Variants in CFTR observed in about 807,000 individuals in gnomAD.
CFTR encodes the protein CF transmembrane conductance regulator.
A neutral mutation model predicts 171.6 loss-of-function variants in CFTR; 181 were observed. That is an observed-to-expected ratio of 1.05 (90% CI 0.93 to 1.19). The LOEUF is 1.19. Among genes scored for constraint, CFTR ranks in the 50% most tolerant of loss-of-function variants. The pLI is 0.00. For missense variants in CFTR, 1,968 were observed against 1,734.7 expected (o/e 1.13, Z -2.39); for synonymous variants, 583 against 608.0 (o/e 0.96, Z 0.60).
intron 23 of CFTR, among the ~76,000 whole-genome samples, chr7:117,650,326 G>T (rs1793071808): frequency 6.6e-6 from 1 of 152,130 alleles, no homozygotes. Flanking sequence ...GATAAGTCAT[G>T]AATGACTCCC....
intron 1 of CFTR, among the ~76,000 whole-genome samples, chr7:117,492,164 A>C (rs762065414): frequency 2.0e-5 from 3 of 152,038 alleles, no homozygotes; most frequent in African/African-American, 4.8e-5. Context: ...ATATTTTGAT[A>C]ATGGAGAAGG....
intron 10 of CFTR, among the ~76,000 whole-genome samples, chr7:117,558,256 A>G (rs534798905): frequency 1.3e-5 from 2 of 152,248 alleles, no homozygotes; most frequent in East Asian, 3.9e-4. Flanking sequence ...TATACTTAAT[A>G]CTAATAACTT....
intron 10 of CFTR, among the ~76,000 whole-genome samples, chr7:117,554,028 G>A (rs138454021): frequency 1.6e-3 from 239 of 152,238 alleles, no homozygotes; most frequent in South Asian, 0.012. Context: ...AGTAATCGGC[G>A]GTGGAGGTAG....
At chr7:117,529,511 TATA>T (rs869089523) in intron 3 of CFTR, among the ~76,000 whole-genome samples, 7 of 88,768 alleles carry the variant, frequency 7.9e-5, no homozygotes, top group African/African-American at 6.1e-4. Context: ...AAACTTAGAG[TATA>T]AAAAAAAAAA....
intron 23 of CFTR, among the ~76,000 whole-genome samples, chr7:117,651,394 A>C (rs934799895): frequency 6.6e-6 from 1 of 152,188 alleles, no homozygotes. Flanking sequence ...GAACTGACTC[A>C]AGTTCTCAGC....
intron 1 of CFTR, among the ~76,000 whole-genome samples, chr7:117,481,379 T>C (rs979938253): frequency 6.6e-6 from 1 of 152,250 alleles, no homozygotes; most frequent in Non-Finnish European, 1.5e-5. Flanking sequence ...AGACTTTTTT[T>C]AGCAGAGAAC....
intron 3 of CFTR, among the ~76,000 whole-genome samples, chr7:117,513,175 A>G (rs1398400208): frequency 6.6e-6 from 1 of 152,188 alleles, no homozygotes; most frequent in Non-Finnish European, 1.5e-5. Flanking sequence ...GGGAGCCTTC[A>G]GGATGAAGAC....
Position 117,598,948 on chromosome 7 carries a change from C to A in CFTR, c.2620-3878C>A, listed in dbSNP as rs563325492. Among the ~76,000 whole-genome samples the A allele has an allele frequency of 3.9e-5, 6 of 152,204 alleles. No individual in the cohort carries two copies. In the South Asian group the frequency reaches 1.0e-3, roughly 26 times the overall value. The stretch of plus-strand genomic sequence containing the variant: ...AATGAGCAAGGTTTGTTGCTGTTAT[C>A]ATTAATATCCTTAATTCTCATTATT... On this transcript the variant is annotated intron_variant, in intron 15 of 26. Coordinates refer to ENST00000003084, the MANE Select transcript of CFTR (RefSeq NM_000492.4).
intron 15 of CFTR, among the ~76,000 whole-genome samples, chr7:117,598,455 C>T (rs1792172997): frequency 1.3e-5 from 2 of 152,178 alleles, no homozygotes; most frequent in African/African-American, 4.8e-5. Context: ...TGTTGCTAAC[C>T]TCAATTAAGA....
At chr7:117,538,217 T>C (rs981387753) in intron 7 of CFTR, among the ~76,000 whole-genome samples, 10 of 152,130 alleles carry the variant, frequency 6.6e-5, no homozygotes, top group African/African-American at 1.9e-4. Context: ...CTGGAAGAGA[T>C]TGGCAGAATT....
At chr7:117,544,805 A>G (rs1799112577) in intron 9 of CFTR, among the ~76,000 whole-genome samples, 2 of 152,158 alleles carry the variant, frequency 1.3e-5, no homozygotes, top group African/African-American at 4.8e-5. Flanking sequence ...CTTTTTGTGG[A>G]CTTCTCCCCA....
chr7:117,554,832 A>G (rs1396249153), intron 10 of CFTR, among the ~76,000 whole-genome samples: 2 of 152,212 alleles, frequency 1.3e-5, no homozygotes, highest in African/African-American at 2.4e-5. Context: ...GTCTTCTGAA[A>G]TACGGAGATA....
At chr7:117,548,918 A>G in intron 10 of CFTR, 95 bp downstream of exon 10, 1 of 1,514,148 alleles carries the variant, frequency 6.6e-7, no homozygotes, top group Non-Finnish European at 8.9e-7. Context: ...TTTTGGAGAA[A>G]TTCTTACATG....
rs986046778 is a variant in CFTR at position 117,667,236 on chromosome 7, T to C, written c.*128T>C. 1 of 887,746 alleles carries C rather than the reference T, an allele frequency of 1.1e-6. No individual in the cohort carries two copies. Among genetic ancestry groups the C allele is most frequent in the Non-Finnish European group, 1.8e-6 (1 of 546,586 alleles). The allele number at this position is 887,746 out of a possible 1,614,324, so 55.0% of individuals were successfully genotyped here. ...CAGAAAACAAGGATGAATTAAGTTT[T>C]TTTTTAAAAAAGAAACATTTGGTAA... On this transcript the variant is annotated 3_prime_UTR_variant, in exon 27 of 27. Transcript: ENST00000003084.
chr7:117,595,682 A>G (rs1792109129), intron 15 of CFTR, among the ~76,000 whole-genome samples: 2 of 152,004 alleles, frequency 1.3e-5, no homozygotes, highest in African/African-American at 4.8e-5. Flanking sequence ...CCAGGGGTCA[A>G]GACCAGCCTG....
intron 4 of CFTR, among the ~76,000 whole-genome samples, chr7:117,534,031 A>C (rs1157761542): frequency 1.3e-5 from 2 of 152,142 alleles, no homozygotes; most frequent in South Asian, 4.1e-4. Context: ...TGAGGAGAAA[A>C]AATAATTATT....
chr7:117,667,391 C>T lies in CFTR; in HGVS notation c.*283C>T, dbSNP rs1652460286. ...TGCAAGCCAGATTTTCCTGAAAACC[C>T]TTGCCATGTGCTAGTAATTGGAAAG... is the stretch of plus-strand genomic sequence containing the variant. On this transcript the variant is annotated 3_prime_UTR_variant, in exon 27 of 27. Transcript: ENST00000003084. 2.4e-6 allele frequency: 1 copy of T among 414,006 alleles called. No homozygotes were observed. The highest frequency in any genetic ancestry group is 2.1e-5 in the South Asian group (1 of 47,250). 25.6% of individuals were successfully genotyped at this position (414,006 alleles called of 1,614,324 possible).
At chr7:117,547,757 T>C (rs929993561) in intron 9 of CFTR, among the ~76,000 whole-genome samples, 1 of 152,158 alleles carries the variant, frequency 6.6e-6, no homozygotes, top group South Asian at 2.1e-4. Context: ...CTCCAGAAAG[T>C]GCAACGTAGT....
chr7:117,564,333 TC>T (rs1313898547), intron 11 of CFTR, among the ~76,000 whole-genome samples: 1 of 152,164 alleles, frequency 6.6e-6, no homozygotes, highest in African/African-American at 2.4e-5. Flanking sequence ...ATCAAAAGTG[TC>T]CCCTATTTTC....
Sources: gnomAD v4.1 joint callset for allele counts (sites outside exome capture counted in the v4.1 genomes callset) on GRCh38, gnomAD v4.1.1 for gene constraint, MANE v1.5 for transcripts, NCBI Gene and HGNC (gene_info 2026-07-23, HGNC 2026-07-21) for gene names.